The following TEX11 variants were observed in gnomAD, a reference collection of about 807,000 sequenced individuals.
TEX11 encodes testis expressed 11.
Under a neutral mutation model 84.4 loss-of-function variants are expected in TEX11, and 7 were observed. The ratio of observed to expected loss-of-function variants is 0.08; its 90% CI spans 0.05 to 0.16. The LOEUF (loss-of-function observed/expected upper bound fraction) is 0.16, where lower values mean the gene tolerates loss of function less well. TEX11 is among the 10% of genes least tolerant of loss of function. The probability of loss-of-function intolerance (pLI) is 1.00; values close to 1 mark genes in which losing one functional copy is unlikely to be tolerated. For missense variants in TEX11, 551 were observed against 660.5 expected (o/e 0.83, Z 1.82); for synonymous variants, 264 against 222.8 (o/e 1.18, Z -1.64).
chrX:70,538,925 G>A, intron 28 of TEX11, among the ~76,000 whole-genome samples: 1 of 104,217 alleles, frequency 9.6e-6, no homozygotes, highest in South Asian at 4.5e-4. Context: ...AGTAGGAACT[G>A]AGATGAAATT....
At chrX:70,599,337 G>A (rs1232252547) in intron 24 of TEX11, among the ~76,000 whole-genome samples, 1 of 111,761 alleles carries the variant, frequency 8.9e-6, no homozygotes. Flanking sequence ...ATTACAATTA[G>A]AATATGTTTT....
intron 7 of TEX11, among the ~76,000 whole-genome samples, chrX:70,839,567 C>T (rs1176784633): frequency 8.9e-6 from 1 of 111,805 alleles, no homozygotes; most frequent in African/African-American, 3.2e-5. Flanking sequence ...ACTGGAAACT[C>T]TAAAAGTCAG....
At chrX:70,799,683 C>T (rs1192933528) in intron 9 of TEX11, among the ~76,000 whole-genome samples, 2 of 111,958 alleles carry the variant, frequency 1.8e-5, no homozygotes, top group African/African-American at 6.5e-5. Context: ...AAGCCATGTT[C>T]ATCTCTTGTT....
chrX:70,634,266 C>T (rs1418381982), intron 17 of TEX11, among the ~76,000 whole-genome samples: 1 of 111,820 alleles, frequency 8.9e-6, no homozygotes, highest in Non-Finnish European at 1.9e-5. Context: ...TTGGAAGACT[C>T]AGCAACGTTG....
intron 15 of TEX11, among the ~76,000 whole-genome samples, chrX:70,677,920 T>G (rs1336636060): frequency 9.5e-6 from 1 of 105,138 alleles, no homozygotes; most frequent in Non-Finnish European, 1.9e-5. Context: ...TTCAAGCGAT[T>G]CCCCTGCCTC....
At chrX:70,814,541 T>A (rs2091276398) in intron 8 of TEX11, among the ~76,000 whole-genome samples, 1 of 112,659 alleles carries the variant, frequency 8.9e-6, no homozygotes, top group African/African-American at 3.2e-5. Flanking sequence ...AGAGATTCAA[T>A]GTTACTACAG....
At chrX:70,742,887 T>C (rs184441583) in intron 10 of TEX11, among the ~76,000 whole-genome samples, 1 of 110,947 alleles carries the variant, frequency 9.0e-6, no homozygotes, top group East Asian at 2.9e-4. Flanking sequence ...TACACACCAC[T>C]GCACCCGGCT....
At position 70,860,794 on chromosome X, in the gene TEX11, C is replaced by T. The variant is rs192244835; in HGVS notation, c.324+63G>A. On this transcript the variant is annotated intron_variant, in intron 5 of 29. Coordinates refer to ENST00000374333, the MANE Select transcript of TEX11 (RefSeq NM_031276.3). ...CCCTTCCAGTTTCACACTAACTTTACCATTTTCATAGAAGTAACAACCATC... is the reference window on the plus strand; with the variant it reads ...CCCTTCCAGTTTCACACTAACTTTATCATTTTCATAGAAGTAACAACCATC... 4.5e-5 allele frequency: 37 copies of T among 826,269 alleles called. No individual in the cohort carries two copies. The African/African-American group carries it at 7.2e-4, about 16-fold the overall frequency. 68.1% of individuals were successfully genotyped at this position (826,269 alleles called of 1,213,427 possible). A position where few individuals can be genotyped will look rare whatever the true frequency, so the allele number is the denominator to read the frequency against.
intron 28 of TEX11, among the ~76,000 whole-genome samples, chrX:70,535,298 C>T (rs1039403823): frequency 1.8e-5 from 2 of 112,030 alleles, no homozygotes; most frequent in Non-Finnish European, 3.8e-5. Context: ...TCTTTGGACA[C>T]ATGTTTTCAT....
chrX:70,838,584 A>G (rs1402313005), intron 7 of TEX11, among the ~76,000 whole-genome samples: 1 of 112,413 alleles, frequency 8.9e-6, no homozygotes, highest in African/African-American at 3.2e-5. Flanking sequence ...TGATTTCTGC[A>G]TTTCCAACTG....
At chrX:70,850,117 A>G (rs1297621592) in intron 7 of TEX11, among the ~76,000 whole-genome samples, 1 of 112,023 alleles carries the variant, frequency 8.9e-6, no homozygotes, top group Non-Finnish European at 1.9e-5. Flanking sequence ...TCTTCCTATA[A>G]TTTCTACCCA....
chrX:70,836,309 TAAAAGA>T (rs1400794553), intron 7 of TEX11, among the ~76,000 whole-genome samples: 2 of 110,733 alleles, frequency 1.8e-5, no homozygotes, highest in Non-Finnish European at 3.8e-5. Flanking sequence ...GCATGATCCA[TAAAAGA>T]AAAAGAAATC....
chrX:70,716,724 T>C (rs2090506956), intron 13 of TEX11, among the ~76,000 whole-genome samples: 1 of 112,348 alleles, frequency 8.9e-6, no homozygotes, highest in Non-Finnish European at 1.9e-5. Context: ...CCCCTTGTAC[T>C]TTCCGGGTGA....
At chrX:70,757,957 A>G (rs2090879904) in intron 9 of TEX11, among the ~76,000 whole-genome samples, 1 of 111,788 alleles carries the variant, frequency 8.9e-6, no homozygotes, top group Non-Finnish European at 1.9e-5. Flanking sequence ...GCAGAAAAAA[A>G]AGCAGGGGTT....
At chrX:70,701,285 T>C (rs1035701190) in intron 13 of TEX11, among the ~76,000 whole-genome samples, 1 of 112,310 alleles carries the variant, frequency 8.9e-6, no homozygotes, top group African/African-American at 3.2e-5. Context: ...TGTTAGAGAC[T>C]AATGCAGCTG....
chrX:70,650,660 G>A (rs2089799993), intron 17 of TEX11, among the ~76,000 whole-genome samples: 1 of 111,517 alleles, frequency 9.0e-6, no homozygotes, highest in Admixed American at 9.5e-5. Context: ...TTCTTAAGGA[G>A]TGAATAACAG....
intron 13 of TEX11, among the ~76,000 whole-genome samples, chrX:70,710,415 C>G (rs190115591): frequency 9.0e-6 from 1 of 111,313 alleles, no homozygotes; most frequent in African/African-American, 3.3e-5. Context: ...GTGTTCAGGA[C>G]CCCTGGATCA....
chrX:70,788,963 TATATATATATAG>T (rs1231286749), intron 9 of TEX11, among the ~76,000 whole-genome samples: 13 of 43,799 alleles, frequency 3.0e-4, no homozygotes, highest in African/African-American at 1.2e-3. Context: ...TATATATATA[TATATATATATAG>T]AGAGAGAGAG....
chrX:70,524,634 C>T (rs1356403776), downstream of TEX11, among the ~76,000 whole-genome samples: 5 of 112,686 alleles, frequency 4.4e-5, no homozygotes, highest in Non-Finnish European at 9.4e-5. Context: ...GGCACGATCT[C>T]GGCTCACTGT....
Sources: allele counts gnomAD v4.1 joint callset (sites outside exome capture counted in the v4.1 genomes callset), GRCh38; gene constraint gnomAD v4.1.1; transcripts MANE v1.5; gene names NCBI Gene and HGNC (gene_info 2026-07-23, HGNC 2026-07-21).